Variants in MAPK4 observed in about 807,000 individuals in gnomAD.
MAPK4 encodes the protein mitogen-activated protein kinase 4, also known as Erk3-related.
A neutral mutation model predicts 47.7 loss-of-function variants in MAPK4; 22 were observed. That is an observed-to-expected ratio of 0.46 (90% confidence interval 0.33 to 0.66). The LOEUF (loss-of-function observed/expected upper bound fraction) is 0.66, where lower values mean the gene tolerates loss of function less well. MAPK4 is among the 30% of genes least tolerant of loss of function. MAPK4 has a pLI of 0.02. For missense variants in MAPK4, 736 were observed against 831.7 expected (o/e 0.88, Z 1.42); for synonymous variants, 390 against 365.7 (o/e 1.07, Z -0.76).
At chr18:50,692,641 A>G (rs566505115) in intron 2 of MAPK4, among the ~76,000 whole-genome samples, 3 of 152,318 alleles carry the variant, frequency 2.0e-5, no homozygotes, top group South Asian at 4.1e-4. Context: ...AGGGCCCTCA[A>G]TAAATATGAG....
intron 1 of MAPK4, among the ~76,000 whole-genome samples, chr18:50,609,734 A>C (rs2042615911): frequency 6.6e-6 from 1 of 152,170 alleles, no homozygotes; most frequent in African/African-American, 2.4e-5. Context: ...CATAGGTCAC[A>C]TAGGTAGTAA....
chr18:50,688,867 T>C (rs1248488785), intron 2 of MAPK4, among the ~76,000 whole-genome samples: 1 of 142,226 alleles, frequency 7.0e-6, no homozygotes, highest in Non-Finnish European at 1.5e-5. Flanking sequence ...ATACCACCTG[T>C]TCTCCCAAAA....
chr18:50,611,527 T>C (rs1361427394), intron 1 of MAPK4, among the ~76,000 whole-genome samples: 2 of 152,222 alleles, frequency 1.3e-5, no homozygotes, highest in Non-Finnish European at 2.9e-5. Context: ...GCTGACCTTT[T>C]GCTAGAAGGT....
At chr18:50,612,460 G>C (rs1177066578) in intron 1 of MAPK4, among the ~76,000 whole-genome samples, 1 of 152,300 alleles carries the variant, frequency 6.6e-6, no homozygotes, top group African/African-American at 2.4e-5. Flanking sequence ...CAGTATAGCG[G>C]GAGAGAAAGA....
chr18:50,576,434 A>C (rs1238665157), intron 1 of MAPK4, among the ~76,000 whole-genome samples: 1 of 152,232 alleles, frequency 6.6e-6, no homozygotes, highest in Non-Finnish European at 1.5e-5. Context: ...TGGGAGCCAA[A>C]CATTGAGTAC....
Position 50,722,092 on chromosome 18 carries a change from C to A in MAPK4, c.846C>A (p.Asn282Lys). Residue 282 changes from asparagine (N) to lysine (K), a missense_variant, in exon 4 of 6, where the codon AAC becomes AAA. Physicochemically the swap from Asn to Lys is moderately conservative, Grantham distance 94. Around this residue, in one of 3 missense-constraint regions of MAPK4, gnomAD observed 327 missense variants for 395.4 expected, o/e 0.83. Transcript: ENST00000400384. ...RPLRKLLPEV[N>K]SEAIDFLEKI... ...TGCGCAAGCTGCTCCCTGAAGTGAA[C>A]AGTGAAGGTACCTGAGCCTGGCAGC... The A allele has an allele frequency of 6.2e-7, 1 of 1,611,514 alleles. No homozygotes were observed. The highest frequency in any genetic ancestry group is 8.5e-7 in the Non-Finnish European group (1 of 1,179,082).
At chr18:50,651,752 C>G (rs1246870221) in intron 1 of MAPK4, among the ~76,000 whole-genome samples, 3 of 152,218 alleles carry the variant, frequency 2.0e-5, no homozygotes, top group African/African-American at 7.2e-5. Context: ...TACCCCACAC[C>G]ACAGGCTGGA....
At position 50,655,268 on chromosome 18, in the gene MAPK4, G is replaced by C. The variant is rs562552083; in HGVS notation, c.-870-7821G>C. On this transcript the variant is annotated intron_variant, in intron 1 of 5. Transcript: ENST00000400384. ...CCATCATGGGCAGCAGAGCCTGTCA[G>C]TGGTTCCTCTGCTTGAGATGTATTT... Among the ~76,000 whole-genome samples, 8 of 152,276 alleles carry C rather than the reference G, an allele frequency of 5.3e-5. No individual in the cohort carries two copies. The South Asian group carries it at 1.7e-3, about 32-fold the overall frequency.
intron 1 of MAPK4, among the ~76,000 whole-genome samples, chr18:50,597,885 A>T (rs1232786794): frequency 2.6e-5 from 4 of 152,200 alleles, no homozygotes; most frequent in Non-Finnish European, 5.9e-5. Flanking sequence ...AAGTAGTTAG[A>T]GCTCTGAAAA....
intron 1 of MAPK4, among the ~76,000 whole-genome samples, chr18:50,603,313 A>C (rs990994324): frequency 6.6e-6 from 1 of 152,158 alleles, no homozygotes; most frequent in African/African-American, 2.4e-5. Context: ...TCCCAGAGTC[A>C]AAGTGGCTGC....
intron 1 of MAPK4, among the ~76,000 whole-genome samples, chr18:50,612,451 A>C (rs1357939897): frequency 3.3e-5 from 5 of 152,220 alleles, no homozygotes; most frequent in Admixed American, 3.3e-4. Flanking sequence ...GGGAGCTCCC[A>C]GTATAGCGGG....
chr18:50,651,037 A>G (rs944590499), intron 1 of MAPK4, among the ~76,000 whole-genome samples: 1 of 152,202 alleles, frequency 6.6e-6, no homozygotes, highest in Non-Finnish European at 1.5e-5. Flanking sequence ...TCTGGATTTC[A>G]GTTGCCTGGG....
rs1441618243 is a variant in MAPK4, at chr18:50,729,596, C to G, written c.1506C>G (p.Gly502=). 7.3e-7 allele frequency: 1 copy of G among 1,365,686 alleles called. No homozygotes were observed. The highest frequency in any genetic ancestry group is 1.5e-5 in the African/African-American group (1 of 64,912). The allele number at this position is 1,365,686 out of a possible 1,614,324, so 84.6% of individuals were successfully genotyped here. ...EIAQWVKSTQ[G]GPEHASPPAD... ...CGCAGTGGGTCAAGAGCACGCAGGG[C>G]GGCCCAGAGCACGCCAGCCCGCCCG... The change falls in exon 6 of 6, where the codon GGC becomes GGG. Residue 502 remains glycine (G), a synonymous_variant. Transcript: ENST00000400384.
chr18:50,597,234 C>G (rs1461997811), intron 1 of MAPK4, among the ~76,000 whole-genome samples: 2 of 152,210 alleles, frequency 1.3e-5, no homozygotes, highest in Non-Finnish European at 2.9e-5. Context: ...GCACTTTGTA[C>G]ATGTCACAAA....
At chr18:50,676,036 G>A (rs962836016) in intron 2 of MAPK4, among the ~76,000 whole-genome samples, 4 of 152,174 alleles carry the variant, frequency 2.6e-5, no homozygotes, top group Non-Finnish European at 4.4e-5. Context: ...ATGGTCTTTC[G>A]GTAGCCAGGT....
intron 2 of MAPK4, among the ~76,000 whole-genome samples, chr18:50,702,542 CT>C (rs1311786836): frequency 6.6e-6 from 1 of 152,136 alleles, no homozygotes; most frequent in Non-Finnish European, 1.5e-5. Flanking sequence ...TATTTGCCAG[CT>C]TTTTATAATT....
intron 2 of MAPK4, among the ~76,000 whole-genome samples, chr18:50,708,198 G>T (rs1362724345): frequency 6.6e-6 from 1 of 152,166 alleles, no homozygotes; most frequent in African/African-American, 2.4e-5. Context: ...GGTTTCTCAC[G>T]TGCCTCATAT....
intron 1 of MAPK4, among the ~76,000 whole-genome samples, chr18:50,602,320 C>G (rs972312373): frequency 2.6e-5 from 4 of 152,154 alleles, no homozygotes; most frequent in Non-Finnish European, 5.9e-5. Context: ...ATTCAATAGC[C>G]TATGAAACTG....
At chr18:50,712,064 A>G (rs1162086580) in intron 2 of MAPK4, among the ~76,000 whole-genome samples, 2 of 152,116 alleles carry the variant, frequency 1.3e-5, no homozygotes, top group South Asian at 2.1e-4. Context: ...CTCTTGCACC[A>G]GCTTGGCAGA....
Sources: allele counts gnomAD v4.1 joint callset (sites outside exome capture counted in the v4.1 genomes callset), GRCh38; gene constraint gnomAD v4.1.1; regional missense constraint gnomAD v4.1.1; transcripts MANE v1.5; gene names NCBI Gene and HGNC (gene_info 2026-07-23, HGNC 2026-07-21).